Variants in ART3 observed in about 807,000 individuals in gnomAD.
ART3 encodes ecto-ADP-ribosyltransferase 3.
A neutral mutation model predicts 48.5 loss-of-function variants in ART3; 49 were observed. The observed-to-expected ratio is 1.01, with a 90% confidence interval of 0.80 to 1.28. The LOEUF (loss-of-function observed/expected upper bound fraction) is 1.28. Ranked by LOEUF, ART3 falls within the 50% of genes most tolerant of loss-of-function variation. ART3 has a pLI of 0.00. For synonymous variants in ART3, 145 were observed against 157.2 expected (o/e 0.92, Z 0.58); for missense variants, 438 against 454.3 (o/e 0.96, Z 0.33).
chr4:76,098,793 C>T (rs1726607942), intron 4 of ART3, among the ~76,000 whole-genome samples, 162 bp from the exon 5 acceptor site: 2 of 152,032 alleles, frequency 1.3e-5, no homozygotes, highest in Admixed American at 6.6e-5. Context: ...ATCCATTTGT[C>T]TTTGAATTGA....
At chr4:76,095,742 C>T (rs1364098077) in intron 3 of ART3, among the ~76,000 whole-genome samples, 1 of 152,176 alleles carries the variant, frequency 6.6e-6, no homozygotes, top group Non-Finnish European at 1.5e-5. Flanking sequence ...CTTTGAGAAA[C>T]ATGCTCTAAC....
At chr4:76,046,696 C>A (rs925096891) in intron 1 of ART3, among the ~76,000 whole-genome samples, 1 of 151,920 alleles carries the variant, frequency 6.6e-6, no homozygotes, top group South Asian at 2.1e-4. Context: ...TCCCCATATT[C>A]ATGTAGATAA....
chr4:76,022,335 G>T, intron 1 of ART3: 1 of 1,559,506 alleles, frequency 6.4e-7, no homozygotes, highest in Non-Finnish European at 8.8e-7. Flanking sequence ...TTCCTAAAGA[G>T]CAATTCTTCT....
intron 1 of ART3, chr4:76,022,890 AT>A: frequency 6.7e-7 from 1 of 1,499,556 alleles, no homozygotes; most frequent in Non-Finnish European, 9.0e-7. Context: ...GACTGGTGGT[AT>A]TTAGCAGAAC....
chr4:76,013,133 A>G (rs1332935008), intron 1 of ART3, among the ~76,000 whole-genome samples: 3 of 152,222 alleles, frequency 2.0e-5, no homozygotes, highest in Non-Finnish European at 4.4e-5. Flanking sequence ...AGAGAAGTGC[A>G]CAACCCTGGC....
At chr4:76,038,320 A>T (rs1274385312) in intron 1 of ART3, among the ~76,000 whole-genome samples, 5 of 152,220 alleles carry the variant, frequency 3.3e-5, no homozygotes, top group Non-Finnish European at 7.3e-5. Context: ...AAACTTTTTT[A>T]TAGGTATATA....
chr4:76,051,365 G>T (rs1003395105), intron 1 of ART3, among the ~76,000 whole-genome samples: 1 of 151,978 alleles, frequency 6.6e-6, no homozygotes. Context: ...TAAAATACCC[G>T]TCCCAGAAAT....
At chr4:76,051,802 A>G (rs1736117021) in intron 1 of ART3, among the ~76,000 whole-genome samples, 1 of 151,988 alleles carries the variant, frequency 6.6e-6, no homozygotes, top group Non-Finnish European at 1.5e-5. Context: ...TCAACCTCCC[A>G]AAGTGCTGGG....
chr4:76,089,526 C>G, intron 3 of ART3, among the ~76,000 whole-genome samples: 1 of 152,164 alleles, frequency 6.6e-6, no homozygotes. Context: ...TCACCTTATG[C>G]CATGAGTGTA....
chr4:76,064,986 C>T (rs577136977), intron 1 of ART3, among the ~76,000 whole-genome samples: 59 of 152,234 alleles, frequency 3.9e-4, no homozygotes, highest in African/African-American at 1.3e-3. Flanking sequence ...CACCTGCCAC[C>T]ATGCCTGGCT....
intron 3 of ART3, among the ~76,000 whole-genome samples, chr4:76,087,755 T>TA (rs1382979103): frequency 1.3e-5 from 2 of 152,196 alleles, no homozygotes; most frequent in African/African-American, 2.4e-5. Context: ...CTGGTGGTCA[T>TA]AGACATTAAT....
chr4:76,082,574 G>A (rs1311365851), intron 3 of ART3, 39 bp downstream of exon 3: 2 of 1,489,890 alleles, frequency 1.3e-6, no homozygotes, highest in East Asian at 2.3e-5. Context: ...TGGGAGGGAA[G>A]GAGTGGGATT....
At chr4:76,037,055 G>T in intron 1 of ART3, 1 of 164,662 alleles carries the variant, frequency 6.1e-6, no homozygotes, top group South Asian at 1.6e-4. Flanking sequence ...ATAGGGTAGT[G>T]CAGTGTCATG....
intron 11 of ART3, among the ~76,000 whole-genome samples, chr4:76,109,217 A>G (rs1729022937): frequency 6.6e-6 from 1 of 151,588 alleles, no homozygotes; most frequent in Non-Finnish European, 1.5e-5. Flanking sequence ...TTTTCTTTAT[A>G]TCCTATTCTA....
intron 10 of ART3, chr4:76,106,514 G>T (rs1728503370): frequency 4.9e-6 from 1 of 204,600 alleles, no homozygotes; most frequent in South Asian, 1.7e-4. Context: ...TTTATCAGCG[G>T]CTTGGACTGC....
intron 1 of ART3, among the ~76,000 whole-genome samples, chr4:76,045,735 G>C (rs551616631): frequency 5.3e-5 from 8 of 152,164 alleles, no homozygotes; most frequent in Admixed American, 3.3e-4. Flanking sequence ...CTTTCAACTA[G>C]ATGAGTATTT....
At chr4:76,071,993 T>C (rs1219752827), upstream of ART3, among the ~76,000 whole-genome samples, 1 of 152,202 alleles carries the variant, frequency 6.6e-6, no homozygotes, top group Non-Finnish European at 1.5e-5. Flanking sequence ...CATAGCTCAC[T>C]GTAATCTGCA....
At chr4:76,027,221 C>G (rs969094344) in intron 1 of ART3, among the ~76,000 whole-genome samples, 1 of 152,096 alleles carries the variant, frequency 6.6e-6, no homozygotes, top group African/African-American at 2.4e-5. Flanking sequence ...CCATTGCACT[C>G]TAGCCTGGGC....
At chr4:76,087,643 A>C (rs951090556) in intron 3 of ART3, among the ~76,000 whole-genome samples, 5 of 152,336 alleles carry the variant, frequency 3.3e-5, no homozygotes, top group African/African-American at 9.6e-5. Context: ...TGTGATTTCC[A>C]AGATAAATAT....
Sources: gnomAD v4.1 joint callset for allele counts (sites outside exome capture counted in the v4.1 genomes callset) on GRCh38, gnomAD v4.1.1 for gene constraint, MANE v1.5 for transcripts, NCBI Gene and HGNC (gene_info 2026-07-23, HGNC 2026-07-21) for gene names.